KCNK5: variants seen among roughly 807,000 people sequenced by gnomAD.
KCNK5 encodes the protein potassium channel subfamily K member 5.
KCNK5 carries 18 observed loss-of-function variants against 32.9 expected under a neutral mutation model. The observed-to-expected ratio is 0.55, with a 90% CI of 0.38 to 0.81. The LOEUF is 0.81. KCNK5 is among the 30% of genes least tolerant of loss of function. The pLI, the probability that KCNK5 is intolerant of heterozygous loss-of-function variation, is 0.00. For missense variants in KCNK5, 507 were observed against 651.0 expected (o/e 0.78, Z 2.41); for synonymous variants, 276 against 275.3 (o/e 1.00, Z -0.03).
chr6:39,219,087 G>A lies in KCNK5; in HGVS notation c.186+9839C>T, dbSNP rs1005912099. 3.9e-5 allele frequency among the ~76,000 whole-genome samples: 6 copies of A among 152,166 alleles called. No individual in the cohort carries two copies. The East Asian group carries it at 5.8e-4, about 15-fold the overall frequency. On this transcript the variant is annotated intron_variant, in intron 1 of 4. Transcript: ENST00000359534. ...CAAGTTCCTTGAAAGCAAAAACCAC[G>A]GCTGCCCTCCAGCACCAAGGGCAGA...
intron 1 of KCNK5, among the ~76,000 whole-genome samples, chr6:39,218,672 G>T (rs948238308): frequency 6.6e-6 from 1 of 152,198 alleles, no homozygotes; most frequent in African/African-American, 2.4e-5. Context: ...CTGTGTAGCT[G>T]CAAGCCTCTT....
intron 1 of KCNK5, among the ~76,000 whole-genome samples, chr6:39,221,559 C>T (rs574326060): frequency 6.6e-6 from 1 of 152,224 alleles, no homozygotes; most frequent in African/African-American, 2.4e-5. Flanking sequence ...GCTCACAGGG[C>T]TACTGCCCAT....
intron 1 of KCNK5, among the ~76,000 whole-genome samples, chr6:39,200,556 G>A (rs1187491414): frequency 1.3e-5 from 2 of 152,112 alleles, no homozygotes; most frequent in Admixed American, 1.3e-4. Context: ...GGCCCATCTG[G>A]GTCCTAATTG....
chr6:39,223,061 C>T (rs529550888), intron 1 of KCNK5, among the ~76,000 whole-genome samples: 14 of 152,254 alleles, frequency 9.2e-5, no homozygotes, highest in East Asian at 5.8e-4. Flanking sequence ...ATTCAGTTGA[C>T]GTTCTCTCTG....
At chr6:39,211,343 G>A (rs770080064) in intron 1 of KCNK5, among the ~76,000 whole-genome samples, 2 of 152,186 alleles carry the variant, frequency 1.3e-5, no homozygotes, top group African/African-American at 2.4e-5. Context: ...CTGAGTCCAC[G>A]AGGACTGACC....
At chr6:39,207,578 T>TGG (rs1223575075) in intron 1 of KCNK5, among the ~76,000 whole-genome samples, 1 of 144,008 alleles carries the variant, frequency 6.9e-6, no homozygotes, top group Non-Finnish European at 1.5e-5. Context: ...GTTCTAGCCC[T>TGG]GGTGAGTCAG....
chr6:39,210,589 A>G (rs753608847), intron 1 of KCNK5, among the ~76,000 whole-genome samples: 1 of 152,250 alleles, frequency 6.6e-6, no homozygotes, highest in Non-Finnish European at 1.5e-5. Context: ...TGCTCAATGA[A>G]GCTCAAACCA....
chr6:39,216,123 A>C (rs1000632947), intron 1 of KCNK5, among the ~76,000 whole-genome samples: 16 of 152,126 alleles, frequency 1.1e-4, no homozygotes, highest in African/African-American at 3.1e-4. Context: ...TCTCTACTAA[A>C]AATACAAAAA....
At chr6:39,207,877 T>G (rs1771257741) in intron 1 of KCNK5, among the ~76,000 whole-genome samples, 3 of 152,122 alleles carry the variant, frequency 2.0e-5, no homozygotes, top group Admixed American at 2.0e-4. Flanking sequence ...CCACCGCCAA[T>G]ACCGCCAGAC....
intron 1 of KCNK5, among the ~76,000 whole-genome samples, chr6:39,207,252 C>T (rs1771244126): frequency 6.6e-6 from 1 of 152,230 alleles, no homozygotes; most frequent in African/African-American, 2.4e-5. Context: ...CTCATCACTA[C>T]CTGACATTCT....
At chr6:39,223,463 C>T (rs140752368) in intron 1 of KCNK5, among the ~76,000 whole-genome samples, 1,526 of 152,318 alleles carry the variant, frequency 0.01, 11 homozygotes, top group Admixed American at 0.017. Flanking sequence ...CAAAGAGATT[C>T]GCTTCCATCT....
At chr6:39,212,776 AT>A (rs1771364898) in intron 1 of KCNK5, among the ~76,000 whole-genome samples, 1 of 152,142 alleles carries the variant, frequency 6.6e-6, no homozygotes. Context: ...CTGTCCTGGT[AT>A]ACTACCTCCA....
chr6:39,192,372 A>T (rs1770957189), intron 4 of KCNK5, among the ~76,000 whole-genome samples: 1 of 151,600 alleles, frequency 6.6e-6, no homozygotes, highest in Admixed American at 6.6e-5. Flanking sequence ...TGTAACCGAC[A>T]CACAGGTCAA....
At chr6:39,193,398 ACTGCCCT>A (rs1393819140) in intron 4 of KCNK5, among the ~76,000 whole-genome samples, 1 of 152,204 alleles carries the variant, frequency 6.6e-6, no homozygotes, top group Admixed American at 6.5e-5. Flanking sequence ...GTGGCCTCCC[ACTGCCCT>A]CTGGGCAAAA....
At chr6:39,196,612 G>A (rs552812721) in intron 1 of KCNK5, among the ~76,000 whole-genome samples, 2 of 152,296 alleles carry the variant, frequency 1.3e-5, no homozygotes, top group South Asian at 4.1e-4. Flanking sequence ...TCCTCGGAGG[G>A]CATGCAAATC....
intron 1 of KCNK5, among the ~76,000 whole-genome samples, chr6:39,212,155 C>T (rs949300377): frequency 4.0e-5 from 6 of 151,724 alleles, no homozygotes; most frequent in South Asian, 2.1e-4. Context: ...CAGGTGTGGT[C>T]GTGCATGCCT....
At chr6:39,220,357 G>A (rs1016277934) in intron 1 of KCNK5, among the ~76,000 whole-genome samples, 1 of 152,184 alleles carries the variant, frequency 6.6e-6, no homozygotes, top group African/African-American at 2.4e-5. Context: ...ATGGAGGAGA[G>A]GAAAAAGAAT....
At chr6:39,205,886 G>C (rs1194175660) in intron 1 of KCNK5, among the ~76,000 whole-genome samples, 1 of 152,194 alleles carries the variant, frequency 6.6e-6, no homozygotes, top group African/African-American at 2.4e-5. Flanking sequence ...GAAGCCAGCA[G>C]TGCTCTCAGG....
At position 39,191,549 on chromosome 6, in the gene KCNK5, C is replaced by T; in HGVS notation, c.841G>A (p.Gly281Arg). 6.2e-7 allele frequency: 1 copy of T among 1,614,014 alleles called. No homozygotes were observed. Among genetic ancestry groups the T allele is most frequent in the South Asian group, 1.1e-5 (1 of 91,074 alleles). ...PHSRKALQVKGSTASKDVNIF... is the reference protein window; with the variant it reads ...PHSRKALQVKRSTASKDVNIF... ...TTGACGTCCTTGGAGGCTGTGCTCC[C>T]CTTCACCTGCAGGGCCTTCCGGGAG... is the stretch of plus-strand genomic sequence containing the variant. Residue 281 changes from glycine to arginine, a missense_variant, in exon 5 of 5, where the codon GGG becomes AGG. Around this residue, in one of 6 missense-constraint regions of KCNK5, gnomAD observed 42 missense variants for 35.3 expected, o/e 1.19. Transcript: ENST00000359534. This position sits in a 1 kb window ranked among gnomAD's most constrained non-coding sequence, Gnocchi z 5.8.
Sources: allele counts gnomAD v4.1 joint callset (sites outside exome capture counted in the v4.1 genomes callset), GRCh38; gene constraint gnomAD v4.1.1; regional missense constraint gnomAD v4.1.1; non-coding constraint Gnocchi (gnomAD v3.1); transcripts MANE v1.5; gene names NCBI Gene and HGNC (gene_info 2026-07-23, HGNC 2026-07-21).